The following ASAH2 variants were observed in gnomAD, a reference collection of about 807,000 sequenced individuals.
The protein encoded by ASAH2 is neutral ceramidase.
In ASAH2, 58 loss-of-function variants were observed where a neutral mutation model predicts 82.9. That is an observed-to-expected ratio of 0.70 (90% CI 0.57 to 0.87). ASAH2 has a LOEUF of 0.87. Ranked by LOEUF, ASAH2 falls within the 40% of genes least tolerant of loss-of-function variation. The pLI is 0.00. For missense variants in ASAH2, 779 were observed against 834.0 expected (o/e 0.93, Z 0.81); for synonymous variants, 276 against 289.7 (o/e 0.95, Z 0.48).
At chr10:50,202,807 T>G (rs1845188589) in intron 16 of ASAH2, 22 bp downstream of exon 16, 1 of 1,491,980 alleles carries the variant, frequency 6.7e-7, no homozygotes, top group Non-Finnish European at 9.4e-7. Flanking sequence ...TTCATTTAAA[T>G]GATGAAAACG....
At chr10:50,194,251 ACT>A (rs1292246329) in intron 18 of ASAH2, among the ~76,000 whole-genome samples, 6 of 151,370 alleles carry the variant, frequency 4.0e-5, no homozygotes, top group Admixed American at 4.0e-4. Flanking sequence ...TGAGTAGAAA[ACT>A]CTACAATATA....
chr10:50,221,923 C>T lies in ASAH2; in HGVS notation c.894-3293G>A, dbSNP rs1471225162. Among the ~76,000 whole-genome samples the T allele has an allele frequency of 2.0e-5, 3 of 152,160 alleles. No homozygotes were observed. In the South Asian group the frequency reaches 6.2e-4, roughly 32 times the overall value. On this transcript the variant is annotated intron_variant, in intron 7 of 20. Transcript: ENST00000682911. ...CTTCACAAAAGAAGTGACACTTGAG[C>T]TAGGTCTTAAAAGATGAGGAAGAGC...
intron 2 of ASAH2, 27 bp downstream of exon 2, chr10:50,248,457 G>A (rs1173171622): frequency 1.2e-6 from 2 of 1,607,312 alleles, no homozygotes; most frequent in East Asian, 2.2e-5. Context: ...CCTAAAAATT[G>A]CATCTAAGAG....
intron 16 of ASAH2, among the ~76,000 whole-genome samples, chr10:50,199,793 A>G (rs1274668697): frequency 1.3e-5 from 2 of 151,350 alleles, no homozygotes; most frequent in African/African-American, 4.9e-5. Flanking sequence ...CCTGTATCCT[A>G]TCAGTCTCCA....
In ASAH2 at chr10:50,243,351, TC is replaced by T. The variant is rs1476542354; in HGVS notation, c.361-1del. 2.5e-6 allele frequency: 4 copies of T among 1,613,690 alleles called. No homozygotes were observed. The African/African-American group carries it at 5.3e-5, about 22-fold the overall frequency. ...TTCTGGCCGGATTTGCCATAGCCCA[TC>T]TAAAGAGGAAGAGACAATCAGAGCT... On this transcript the variant is annotated splice_acceptor_variant, in intron 3 of 20. Coordinates refer to ENST00000682911, the MANE Select transcript of ASAH2 (RefSeq NM_019893.4). LOFTEE classifies it high-confidence loss of function.
chr10:50,204,792 A>G, intron 14 of ASAH2, 69 bp downstream of exon 14: 3 of 1,195,826 alleles, frequency 2.5e-6, no homozygotes, highest in South Asian at 2.6e-5. Context: ...TCTTTTCATG[A>G]TAAGAAGCAA....
At chr10:50,206,894 G>T (rs896972268) in intron 12 of ASAH2, among the ~76,000 whole-genome samples, 68 of 151,914 alleles carry the variant, frequency 4.5e-4, no homozygotes, top group African/African-American at 1.6e-3. Flanking sequence ...TTCTTCTCAC[G>T]TGCACATGAA....
intron 1 of ASAH2, among the ~76,000 whole-genome samples, 117 bp downstream of exon 1, chr10:50,251,278 G>A (rs890552695): frequency 1.3e-5 from 2 of 152,108 alleles, no homozygotes; most frequent in African/African-American, 4.8e-5. Context: ...GGCAAAAGAG[G>A]GTTCCAAAGC....
At chr10:50,188,930 T>C (rs1216166589) in intron 20 of ASAH2, among the ~76,000 whole-genome samples, 1 of 133,464 alleles carries the variant, frequency 7.5e-6, no homozygotes, top group Non-Finnish European at 1.6e-5. Context: ...AAAATATCTA[T>C]TCAACTCAGG....
At chr10:50,224,148 C>A (rs1589342780) in intron 7 of ASAH2, among the ~76,000 whole-genome samples, 1 of 152,222 alleles carries the variant, frequency 6.6e-6, no homozygotes, top group South Asian at 2.1e-4. Flanking sequence ...TTTATTTGAA[C>A]CTCAGTGTTC....
Position 50,214,805 on chromosome 10 carries a change from G to C in ASAH2, c.1078C>G (p.Pro360Ala). 1.2e-6 allele frequency: 2 copies of C among 1,613,744 alleles called. No homozygotes were observed. Among genetic ancestry groups the C allele is most frequent in the Non-Finnish European group, 1.7e-6 (2 of 1,179,704 alleles). ...LGDVSPNILG[P>A]RCINTGESCD... The stretch of plus-strand genomic sequence containing the variant: ...GACTCTCCTGTGTTGATGCAACGTG[G>C]TCCAAGAATGTTGGGGGACACATCT... Residue 360 changes from proline (P) to alanine (A), a missense_variant, in exon 9 of 21, where the codon CCA becomes GCA. Pro to Ala is a conservative substitution (Grantham distance 27, BLOSUM62 -1). Transcript: ENST00000682911.
intron 16 of ASAH2, among the ~76,000 whole-genome samples, chr10:50,199,364 C>T (rs1436252270): frequency 2.0e-5 from 3 of 151,922 alleles, no homozygotes. Context: ...TGGGTTCTCT[C>T]GGCTTATGCC....
intron 8 of ASAH2, among the ~76,000 whole-genome samples, chr10:50,216,703 T>A (rs1468406770): frequency 6.6e-6 from 1 of 152,194 alleles, no homozygotes; most frequent in Admixed American, 6.6e-5. Context: ...ATTAGAGCCA[T>A]GCAAGTCCTC....
intron 2 of ASAH2, among the ~76,000 whole-genome samples, chr10:50,247,664 C>A (rs1021358739): frequency 2.6e-5 from 4 of 151,940 alleles, no homozygotes; most frequent in Non-Finnish European, 4.4e-5. Flanking sequence ...TCCATTTGGC[C>A]TAAGGCCAGC....
chr10:50,207,033 A>G (rs1271653640), intron 12 of ASAH2, among the ~76,000 whole-genome samples: 2 of 152,022 alleles, frequency 1.3e-5, no homozygotes, highest in Non-Finnish European at 2.9e-5. Context: ...AAAAATGGAG[A>G]AGCTTGCAAA....
intron 4 of ASAH2, among the ~76,000 whole-genome samples, chr10:50,241,619 G>A (rs1235645269): frequency 6.6e-6 from 1 of 152,138 alleles, no homozygotes; most frequent in Admixed American, 6.6e-5. Flanking sequence ...ATTCACAATA[G>A]CAAAGACTTG....
intron 8 of ASAH2, among the ~76,000 whole-genome samples, chr10:50,215,816 T>C (rs559869229): frequency 0.036 from 5,414 of 152,260 alleles, 342 homozygotes; most frequent in African/African-American, 0.12. Flanking sequence ...ACTGGGTATA[T>C]ACCCAAAGGA....
chr10:50,212,980 T>C lies in ASAH2; in HGVS notation c.1219A>G (p.Arg407Gly). The change falls in exon 10 of 21, where the codon AGA becomes GGA. Residue 407 changes from arginine (R) to glycine (G), a missense_variant. Physicochemically the swap from Arg to Gly is moderately radical, Grantham distance 125. This residue lies in a region of ASAH2 where 759 missense variants were observed against 755.2 expected (regional missense o/e 1.00). Transcript: ENST00000682911. ...TQIIGRAMYQRAKELYASASQ... is the reference protein window; with the variant it reads ...TQIIGRAMYQGAKELYASASQ... ...CGAGGCCCATGGCTTACCTTTGCTC[T>C]CTGATACATGGCCCGTCCTATAATT... 3.7e-6 allele frequency: 6 copies of C among 1,613,684 alleles called. No individual in the cohort carries two copies. Among genetic ancestry groups the C allele is most frequent in the Non-Finnish European group, 5.1e-6 (6 of 1,179,624 alleles).
rs1392456423 is a variant in ASAH2 at position 50,221,627 on chromosome 10, TTGTATG to T, written c.894-3003_894-2998del. 1.8e-4 allele frequency among the ~76,000 whole-genome samples: 26 copies of T among 144,772 alleles called. No individual in the cohort carries two copies. In the East Asian group the frequency reaches 3.2e-3, roughly 18 times the overall value. 95.0% of individuals were successfully genotyped at this position (144,772 alleles called of 152,430 possible). On this transcript the variant is annotated intron_variant, in intron 7 of 20. Coordinates refer to ENST00000682911, the MANE Select transcript of ASAH2 (RefSeq NM_019893.4). ...CAAGAAGCAGAGCAATGAATTCAGGTTGTATGTGTGTGTGTGTGTGTGTGTGTGTGT... is the reference window on the plus strand; with the variant it reads ...CAAGAAGCAGAGCAATGAATTCAGGTTGTGTGTGTGTGTGTGTGTGTGTGT...
Sources: gnomAD v4.1 joint callset for allele counts (sites outside exome capture counted in the v4.1 genomes callset) on GRCh38, gnomAD v4.1.1 for gene constraint, gnomAD v4.1.1 regional missense constraint, MANE v1.5 for transcripts, NCBI Gene and HGNC (gene_info 2026-07-23, HGNC 2026-07-21) for gene names.